Variants in IMMT observed in about 807,000 individuals in gnomAD.
The protein encoded by IMMT is inner membrane mitochondrial protein, also known as MICOS complex subunit MIC60.
IMMT carries 40 observed loss-of-function variants against 92.7 expected under a neutral mutation model. The observed-to-expected ratio is 0.43, with a 90% CI of 0.34 to 0.56. The LOEUF (loss-of-function observed/expected upper bound fraction) is 0.56. Among genes scored for constraint, IMMT ranks in the 20% least tolerant of loss-of-function variants. The probability of loss-of-function intolerance (pLI) is 0.03; values close to 1 mark genes in which losing one functional copy is unlikely to be tolerated. For synonymous variants in IMMT, 322 were observed against 336.1 expected (o/e 0.96, Z 0.46); for missense variants, 831 against 912.1 (o/e 0.91, Z 1.14).
intron 11 of IMMT, 37 bp downstream of exon 11, chr2:86,153,523 C>T: frequency 7.6e-7 from 1 of 1,322,804 alleles, no homozygotes; most frequent in Non-Finnish European, 1.0e-6. Context: ...ATACCCAAAA[C>T]AAAAGACTTT....
intron 1 of IMMT, among the ~76,000 whole-genome samples, chr2:86,183,312 T>C (rs1438465556): frequency 6.6e-6 from 1 of 152,120 alleles, no homozygotes; most frequent in Non-Finnish European, 1.5e-5. Flanking sequence ...TAAATAATTT[T>C]TTTTGTTGTT....
rs746983678 is a variant in IMMT at position 86,151,495 on chromosome 2, C to A, written c.1203G>T (p.Leu401=). The change falls in exon 12 of 15, where the codon CTG becomes CTT. Residue 401 remains leucine, a synonymous_variant. Coordinates refer to ENST00000410111, the MANE Select transcript of IMMT (RefSeq NM_006839.3). ...DLADKLSTDD[L]NSLIAHAHRR... is the part of the protein sequence containing the mutation. ...GATGTGCATGAGCAATGAGGGAGTTCAGATCATCAGTAGAGAGCTTGTCAG... is the reference window on the plus strand; with the variant it reads ...GATGTGCATGAGCAATGAGGGAGTTAAGATCATCAGTAGAGAGCTTGTCAG... 2 of 1,613,840 alleles carry A rather than the reference C, an allele frequency of 1.2e-6. No homozygotes were observed. The highest frequency in any genetic ancestry group is 1.7e-6 in the Non-Finnish European group (2 of 1,179,750).
intron 3 of IMMT, among the ~76,000 whole-genome samples, chr2:86,175,961 T>G (rs1455911105): frequency 1.3e-5 from 2 of 152,194 alleles, no homozygotes; most frequent in Non-Finnish European, 2.9e-5. Context: ...TAATAATCAT[T>G]TGATTAACAT....
chr2:86,185,276 A>C (rs1374596151), intron 1 of IMMT, among the ~76,000 whole-genome samples: 5 of 152,220 alleles, frequency 3.3e-5, no homozygotes, highest in African/African-American at 1.2e-4. Context: ...AAAAAACAAA[A>C]CAAAAACCTG....
intron 1 of IMMT, among the ~76,000 whole-genome samples, chr2:86,184,924 T>C (rs553140072): frequency 2.0e-5 from 3 of 152,234 alleles, no homozygotes; most frequent in South Asian, 2.1e-4. Context: ...CGCGATGGCT[T>C]ACGCCTGTAA....
intron 10 of IMMT, among the ~76,000 whole-genome samples, chr2:86,155,639 G>A (rs772265724): frequency 6.6e-6 from 1 of 152,218 alleles, no homozygotes; most frequent in South Asian, 2.1e-4. Context: ...AGTACTGGAT[G>A]TAGTGAACAT....
At chr2:86,158,316 C>CTTT in intron 10 of IMMT, 3 of 213,138 alleles carry the variant, frequency 1.4e-5, no homozygotes, top group Non-Finnish European at 2.8e-5. Context: ...AAATTCCAAA[C>CTTT]TTTTTTTTTT....
At chr2:86,170,924 G>A (rs1168169060) in intron 5 of IMMT, 80 bp from the exon 6 acceptor site, 11 of 1,089,640 alleles carry the variant, frequency 1.0e-5, no homozygotes, top group South Asian at 8.1e-5. Flanking sequence ...AAAAAGCATC[G>A]TTTGTACTGG....
chr2:86,179,948 G>A (rs1229957262), intron 2 of IMMT, among the ~76,000 whole-genome samples: 1 of 152,028 alleles, frequency 6.6e-6, no homozygotes, highest in Non-Finnish European at 1.5e-5. Context: ...GCCAGGTGTA[G>A]TAGCACGTGC....
At chr2:86,185,246 T>C (rs1317016610) in intron 1 of IMMT, among the ~76,000 whole-genome samples, 20 of 151,870 alleles carry the variant, frequency 1.3e-4, no homozygotes, top group Admixed American at 1.3e-3. Context: ...CTGAGTATGA[T>C]AAGGACAGAG....
At position 86,148,860 on chromosome 2, in the gene IMMT, T is replaced by C. The variant is rs1239124138; in HGVS notation, c.1402-1027A>G. Among the ~76,000 whole-genome samples the C allele has an allele frequency of 2.3e-5, 3 of 129,990 alleles. 1 individual carries two copies. Among genetic ancestry groups the C allele is most frequent in the Non-Finnish European group, 5.6e-5 (3 of 53,572 alleles). 85.3% of individuals were successfully genotyped at this position (129,990 alleles called of 152,430 possible). On this transcript the variant is annotated intron_variant, in intron 12 of 14. Transcript: ENST00000410111. ...ACAATATAATAAATCAATGAATCCA[T>C]TCAGTCAGTGCATAAGTATTTATGA...
rs70953998 is a variant in IMMT, at chr2:86,163,959, C to CAAAA, written c.793-1884_793-1881dup. ...GGGCAACAAAGCAAGACTCCATCTC[C>CAAAA]AAAAAAAAAGAATGTTCTATGTAAA... is the stretch of plus-strand genomic sequence containing the variant. On this transcript the variant is annotated intron_variant, in intron 7 of 14. Coordinates refer to ENST00000410111, the MANE Select transcript of IMMT (RefSeq NM_006839.3). 8.7e-5 allele frequency among the ~76,000 whole-genome samples: 8 copies of CAAAA among 91,930 alleles called. 1 individual carries two copies. Among genetic ancestry groups the CAAAA allele is most frequent in the African/African-American group, 2.8e-4 (7 of 25,450 alleles). 60.3% of individuals were successfully genotyped at this position (91,930 alleles called of 152,430 possible).
At position 86,173,694 on chromosome 2, in the gene IMMT, G is replaced by A; in HGVS notation, c.377C>T (p.Ser126Leu). 6.2e-7 allele frequency: 1 copy of A among 1,608,524 alleles called. No homozygotes were observed. The highest frequency in any genetic ancestry group is 8.5e-7 in the Non-Finnish European group (1 of 1,175,296). The change falls in exon 4 of 15, where the codon TCA becomes TTA. Residue 126 changes from serine (S) to leucine (L), a missense_variant. Transcript: ENST00000410111. ...EVMKESKQPASQLQKQKGDTP... is the reference protein window; with the variant it reads ...EVMKESKQPALQLQKQKGDTP... Reference sequence around the variant, plus strand: ...ATCTCCCTTTTGTTTTTGGAGTTGTGAGGCAGGCTGTTTAGATTCTTTCAT... The same window carrying A: ...ATCTCCCTTTTGTTTTTGGAGTTGTAAGGCAGGCTGTTTAGATTCTTTCAT...
In IMMT at chr2:86,146,055, AGCTTAT is replaced by A; in HGVS notation, c.1663+7_1663+12del. The A allele has an allele frequency of 6.6e-7, 1 of 1,518,814 alleles. No homozygotes were observed. Among genetic ancestry groups the A allele is most frequent in the Non-Finnish European group, 8.9e-7 (1 of 1,124,274 alleles). The allele number at this position is 1,518,814 out of a possible 1,614,324, so 94.1% of individuals were successfully genotyped here. On this transcript the variant is annotated splice_region_variant and intron_variant, in intron 14 of 14. Coordinates refer to ENST00000410111, the MANE Select transcript of IMMT (RefSeq NM_006839.3). ...GGAAAATTATCTGTAAGATAAACAT[AGCTTAT>A]GCTTACTCTGAACAGCCTGTTCGAT...
At chr2:86,145,658 T>C (rs1317949264) in intron 14 of IMMT, among the ~76,000 whole-genome samples, 1 of 152,136 alleles carries the variant, frequency 6.6e-6, no homozygotes, top group Non-Finnish European at 1.5e-5. Flanking sequence ...ACCCTCATTG[T>C]CATGACATTT....
Position 86,153,547 on chromosome 2 carries a change from A to G in IMMT, c.1177+13T>C. 1 of 1,453,066 alleles carries G rather than the reference A, an allele frequency of 6.9e-7. No homozygotes were observed. Among genetic ancestry groups the G allele is most frequent in the South Asian group, 1.3e-5 (1 of 75,642 alleles). The allele number at this position is 1,453,066 out of a possible 1,614,324, so 90.0% of individuals were successfully genotyped here. ...ACAAAAGACTTTAAACATGAAATAT[A>G]CATAACACTCACCTAAGTCTGAAAC... On this transcript the variant is annotated intron_variant, in intron 11 of 14. Transcript: ENST00000410111.
At position 86,144,032 on chromosome 2, in the gene IMMT, A is replaced by G; in HGVS notation, c.*236T>C. Reference sequence around the variant, plus strand: ...TTTGATTGGCCTCACAAGCCTCATCAGTAAAACCTGAAAAAACAGAAAATG... The same window carrying G: ...TTTGATTGGCCTCACAAGCCTCATCGGTAAAACCTGAAAAAACAGAAAATG... On this transcript the variant is annotated 3_prime_UTR_variant, in exon 15 of 15. Transcript: ENST00000410111. 1.7e-6 allele frequency: 1 copy of G among 579,282 alleles called. No individual in the cohort carries two copies. The highest frequency in any genetic ancestry group is 3.1e-6 in the Non-Finnish European group (1 of 327,138). 35.9% of individuals were successfully genotyped at this position (579,282 alleles called of 1,614,324 possible). A position where few individuals can be genotyped will look rare whatever the true frequency, so the allele number is the denominator to read the frequency against.
Position 86,144,280 on chromosome 2 carries a change from C to T in IMMT, c.2265G>A (p.Val755=), listed in dbSNP as rs761880434. The change falls in exon 15 of 15, where the codon GTG becomes GTA. Residue 755 remains valine, a synonymous_variant. Coordinates refer to ENST00000410111, the MANE Select transcript of IMMT (RefSeq NM_006839.3). ...ATCTTCCTAAACCTCACTCTGGCTGCACCTGAGTGGTTCCTATTCCTACGG... is the reference window on the plus strand; with the variant it reads ...ATCTTCCTAAACCTCACTCTGGCTGTACCTGAGTGGTTCCTATTCCTACGG... The part of the protein sequence containing the change: ...ASAVGIGTTQ[V]QPE The T allele has an allele frequency of 6.2e-7, 1 of 1,613,870 alleles. No homozygotes were observed. The highest frequency in any genetic ancestry group is 8.5e-7 in the Non-Finnish European group (1 of 1,179,802).
chr2:86,180,726 A>G (rs1216324884), intron 2 of IMMT, among the ~76,000 whole-genome samples: 1 of 151,812 alleles, frequency 6.6e-6, no homozygotes, highest in Non-Finnish European at 1.5e-5. Context: ...GTCTCTACTA[A>G]AAATACAAAA....
Sources: allele counts gnomAD v4.1 joint callset (sites outside exome capture counted in the v4.1 genomes callset), GRCh38; gene constraint gnomAD v4.1.1; transcripts MANE v1.5; gene names NCBI Gene and HGNC (gene_info 2026-07-23, HGNC 2026-07-21).